NUB1: variants seen among roughly 807,000 people sequenced by gnomAD.
NUB1 encodes negative regulator of ubiquitin like proteins 1.
NUB1 carries 41 observed loss-of-function variants against 77.1 expected under a neutral mutation model. The observed-to-expected ratio is 0.53, with a 90% CI of 0.41 to 0.69. The LOEUF (loss-of-function observed/expected upper bound fraction) is 0.69, where lower values mean the gene tolerates loss of function less well. NUB1 is among the 30% of genes least tolerant of loss of function. The probability of loss-of-function intolerance (pLI) is 0.00; values close to 1 mark genes in which losing one functional copy is unlikely to be tolerated. For missense variants in NUB1, 643 were observed against 743.8 expected (o/e 0.86, Z 1.58); for synonymous variants, 257 against 281.0 (o/e 0.91, Z 0.85).
rs777489351 is a variant in NUB1, at chr7:151,345,471, T to G, written c.117+5T>G. The G allele has an allele frequency of 1.4e-6, 2 of 1,459,386 alleles. No homozygotes were observed. Among genetic ancestry groups the G allele is most frequent in the South Asian group, 2.4e-5 (2 of 83,108 alleles). 90.4% of individuals were successfully genotyped at this position (1,459,386 alleles called of 1,614,324 possible). A position where few individuals can be genotyped will look rare whatever the true frequency, so the allele number is the denominator to read the frequency against. On this transcript the variant is annotated splice_donor_5th_base_variant and intron_variant, in intron 2 of 14. Coordinates refer to ENST00000568733, the MANE Select transcript of NUB1 (RefSeq NM_001243351.2). ...AAAGTTGGTTTGGCATTAAAGGTAT[T>G]TTTCTTTTAAGACATCAATAATTAG...
At chr7:151,358,379 C>A (rs1413355821) in intron 7 of NUB1, among the ~76,000 whole-genome samples, 1 of 152,234 alleles carries the variant, frequency 6.6e-6, no homozygotes. Flanking sequence ...TCCCACCCCA[C>A]AGGCTGCAGA....
At chr7:151,349,268 G>T in intron 3 of NUB1, 28 bp downstream of exon 3, 1 of 1,572,596 alleles carries the variant, frequency 6.4e-7, no homozygotes, top group Non-Finnish European at 8.7e-7. Context: ...ATTTGAGTAG[G>T]CACTAATGTC....
At chr7:151,356,966 C>G (rs1797094501) in intron 7 of NUB1, among the ~76,000 whole-genome samples, 1 of 152,162 alleles carries the variant, frequency 6.6e-6, no homozygotes, top group East Asian at 1.9e-4. Context: ...ATTTGCCCAC[C>G]TTGGCCTCCC....
At chr7:151,371,984 A>G (rs1011365307) in intron 11 of NUB1, among the ~76,000 whole-genome samples, 4 of 152,216 alleles carry the variant, frequency 2.6e-5, no homozygotes, top group Non-Finnish European at 5.9e-5. Context: ...CTGGGATTAC[A>G]GGTGTGAGCC....
At chr7:151,345,516 G>T in intron 2 of NUB1, 50 bp downstream of exon 2, 1 of 989,508 alleles carries the variant, frequency 1.0e-6, no homozygotes, top group South Asian at 1.5e-5. Flanking sequence ...AAATCTCCTT[G>T]GTAAATAAGA....
At chr7:151,355,714 T>A in intron 5 of NUB1, 54 bp from the exon 6 acceptor site, 2 of 1,463,496 alleles carry the variant, frequency 1.4e-6, no homozygotes, top group Non-Finnish European at 9.2e-7. Context: ...AATGGACTGT[T>A]ACCTGGTAAG....
intron 1 of NUB1, among the ~76,000 whole-genome samples, chr7:151,343,993 A>G (rs896862067): frequency 3.3e-5 from 5 of 151,934 alleles, no homozygotes; most frequent in Admixed American, 2.6e-4. Context: ...CATCCTGGCC[A>G]ACACGGTGAA....
intron 2 of NUB1, among the ~76,000 whole-genome samples, chr7:151,347,739 A>G (rs1003724128): frequency 6.6e-6 from 1 of 152,238 alleles, no homozygotes; most frequent in Non-Finnish European, 1.5e-5. Context: ...GATTACAGGC[A>G]TGAGCCATCG....
chr7:151,367,811 T>C, intron 9 of NUB1, 50 bp from the exon 10 acceptor site: 1 of 1,176,022 alleles, frequency 8.5e-7, no homozygotes, highest in Non-Finnish European at 1.2e-6. Flanking sequence ...ATTATAGACC[T>C]GTAATTAGAA....
At position 151,371,277 on chromosome 7, in the gene NUB1, C is replaced by T. The variant is rs535683070; in HGVS notation, c.1248+2390C>T. Among the ~76,000 whole-genome samples, 9 of 152,196 alleles carry T rather than the reference C, an allele frequency of 5.9e-5. No individual in the cohort carries two copies. In the East Asian group the frequency reaches 1.2e-3, roughly 20 times the overall value. Reference sequence around the variant, plus strand: ...ATTGGCCGTTTACTTGTAAAAAGTCCAGAAGTAGGATAGGTCTCAGGGTTA... The same window carrying T: ...ATTGGCCGTTTACTTGTAAAAAGTCTAGAAGTAGGATAGGTCTCAGGGTTA... On this transcript the variant is annotated intron_variant, in intron 11 of 14. Coordinates refer to ENST00000568733, the MANE Select transcript of NUB1 (RefSeq NM_001243351.2).
intron 6 of NUB1, 64 bp downstream of exon 6, chr7:151,356,014 TG>T (rs1407553336): frequency 8.9e-6 from 14 of 1,572,916 alleles, no homozygotes; most frequent in Non-Finnish European, 1.1e-5. Context: ...ATCACACAGT[TG>T]GGGGATCATG....
intron 11 of NUB1, among the ~76,000 whole-genome samples, chr7:151,370,277 T>TG (rs1797896217): frequency 1.3e-5 from 2 of 151,946 alleles, no homozygotes; most frequent in Non-Finnish European, 2.9e-5. Context: ...TTAGTAGAGA[T>TG]GGGGTTTTAC....
At chr7:151,352,741 C>T (rs1004335460) in intron 4 of NUB1, 71 bp from the exon 5 acceptor site, 13 of 992,258 alleles carry the variant, frequency 1.3e-5, no homozygotes, top group Admixed American at 1.9e-5. Context: ...CCGGGCCTGG[C>T]TAATGTCTTT....
chr7:151,362,803 A>G (rs13241175), intron 8 of NUB1, among the ~76,000 whole-genome samples: 21,628 of 152,276 alleles, frequency 0.14, 2,039 homozygotes, highest in Non-Finnish European at 0.21. Flanking sequence ...GTGTGAGGAA[A>G]CCGCCCAGGG....
chr7:151,366,046 A>G (rs1797664668), intron 8 of NUB1, among the ~76,000 whole-genome samples: 1 of 152,208 alleles, frequency 6.6e-6, no homozygotes, highest in Admixed American at 6.5e-5. Context: ...GTGGTTCCAA[A>G]TGTTCTTATT....
chr7:151,351,459 C>G lies in NUB1; in HGVS notation c.321C>G (p.Ile107Met). Reference sequence around the variant, plus strand: ...ACTTGTTGGAGACCCGATTGCACATCACTGGCAGAGAACTGAGGTCCAAGT... The same window carrying G: ...ACTTGTTGGAGACCCGATTGCACATGACTGGCAGAGAACTGAGGTCCAAGT... ...RKNLLETRLH[I>M]TGRELRSKIA... The change falls in exon 4 of 15, where the codon ATC (isoleucine) becomes ATG (methionine). Residue 107 changes from isoleucine (I) to methionine (M), a missense_variant. Coordinates refer to ENST00000568733, the MANE Select transcript of NUB1 (RefSeq NM_001243351.2). The G allele has an allele frequency of 6.2e-7, 1 of 1,613,194 alleles. No homozygotes were observed. Among genetic ancestry groups the G allele is most frequent in the Non-Finnish European group, 8.5e-7 (1 of 1,179,382 alleles).
chr7:151,348,569 C>CTTTTTTTTTTTTTTTTTTT (rs59781719), intron 2 of NUB1, among the ~76,000 whole-genome samples: 1 of 69,924 alleles, frequency 1.4e-5, no homozygotes, highest in Non-Finnish European at 2.5e-5. Flanking sequence ...TTGCTTTTTG[C>CTTTTTTTTTTTTTTTTTTT]TTTTTTTTTT....
At position 151,351,478 on chromosome 7, in the gene NUB1, T is replaced by A. The variant is rs1427159438; in HGVS notation, c.340T>A (p.Ser114Thr). 2 of 1,611,620 alleles carry A rather than the reference T, an allele frequency of 1.2e-6. No individual in the cohort carries two copies. The highest frequency in any genetic ancestry group is 2.7e-5 in the African/African-American group (2 of 74,868). Residue 114 changes from serine (S) to threonine (T), a missense_variant, in exon 4 of 15, where the codon TCC becomes ACC. Transcript: ENST00000568733. ...RLHITGRELR[S>T]KIAETFGLQE... is the part of the protein sequence containing the mutation. ...GCACATCACTGGCAGAGAACTGAGG[T>A]CCAAGTAAGTATCTGTGTGCTCTGT...
rs1798412161 is a variant in NUB1, at chr7:151,378,410, G to A, written c.*1185G>A. The A allele has an allele frequency of 6.6e-6, 1 of 152,226 alleles. No individual in the cohort carries two copies. Among genetic ancestry groups the A allele is most frequent in the South Asian group, 2.1e-4 (1 of 4,832 alleles). The allele number at this position is 152,226 out of a possible 1,614,324, so 9.4% of individuals were successfully genotyped here. ...TTCTTGTCATTCTTTTTAAACGGAT[G>A]ATACCGATGGAAATAAAAGGTGGGA... On this transcript the variant is annotated 3_prime_UTR_variant, in exon 15 of 15. Coordinates refer to ENST00000568733, the MANE Select transcript of NUB1 (RefSeq NM_001243351.2).
Sources: allele counts gnomAD v4.1 joint callset (sites outside exome capture counted in the v4.1 genomes callset), GRCh38; gene constraint gnomAD v4.1.1; transcripts MANE v1.5; gene names NCBI Gene and HGNC (gene_info 2026-07-23, HGNC 2026-07-21).